The following SMYD3 variants were observed in gnomAD, a reference collection of about 807,000 sequenced individuals.
The protein encoded by SMYD3 is histone-lysine N-methyltransferase SMYD3.
In SMYD3, 36 loss-of-function variants were observed where a neutral mutation model predicts 57.7. The ratio of observed to expected loss-of-function variants is 0.62; its 90% confidence interval spans 0.48 to 0.82. SMYD3 has a LOEUF of 0.82. SMYD3 is among the 40% of genes least tolerant of loss of function. SMYD3 has a pLI of 0.00. For synonymous variants in SMYD3, 211 were observed against 195.0 expected (o/e 1.08, Z -0.68); for missense variants, 515 against 538.8 (o/e 0.96, Z 0.44).
At chr1:245,787,583 A>T (rs2047097935) in intron 10 of SMYD3, among the ~76,000 whole-genome samples, 1 of 152,048 alleles carries the variant, frequency 6.6e-6, no homozygotes, top group Non-Finnish European at 1.5e-5. Context: ...ACCCAGTCAA[A>T]ACTTCCAAGC....
intron 5 of SMYD3, among the ~76,000 whole-genome samples, chr1:246,084,343 G>A (rs916283464): frequency 1.3e-4 from 20 of 151,876 alleles, no homozygotes; most frequent in African/African-American, 4.6e-4. Flanking sequence ...AGCCTCCCAA[G>A]TAGCTGGGAC....
chr1:245,993,607 T>C lies in SMYD3; in HGVS notation c.532-63670A>G, dbSNP rs59604144. ...ATAGATAGATAGATAGATAGATAGA[T>C]AGATAGATAGATAGATAGATAGATA... On this transcript the variant is annotated intron_variant, in intron 5 of 11. Coordinates refer to ENST00000490107, the MANE Select transcript of SMYD3 (RefSeq NM_001167740.2). Among the ~76,000 whole-genome samples, 200 of 76,688 alleles carry C rather than the reference T, an allele frequency of 2.6e-3. 1 individual carries two copies. Among genetic ancestry groups the C allele is most frequent in the African/African-American group, 0.012 (161 of 13,428 alleles). The allele number at this position is 76,688 out of a possible 152,430, so 50.3% of individuals were successfully genotyped here.
chr1:245,848,907 C>A (rs1008502805), intron 10 of SMYD3, among the ~76,000 whole-genome samples: 1 of 152,038 alleles, frequency 6.6e-6, no homozygotes, highest in African/African-American at 2.4e-5. Context: ...AGTATATGAG[C>A]CAGAATGAAA....
intron 5 of SMYD3, among the ~76,000 whole-genome samples, chr1:246,169,381 C>CAAA (rs55719556): frequency 0.14 from 8,601 of 60,926 alleles, 1,052 homozygotes; most frequent in Admixed American, 0.2. Flanking sequence ...GACTTTCTTT[C>CAAA]AAAAAAAAAA....
At chr1:245,983,444 A>G (rs2058641236) in intron 5 of SMYD3, among the ~76,000 whole-genome samples, 2 of 152,244 alleles carry the variant, frequency 1.3e-5, no homozygotes, top group South Asian at 2.1e-4. Flanking sequence ...AACGCATTTG[A>G]TGAGATCAAA....
At chr1:246,434,187 A>G (rs2067336991) in intron 1 of SMYD3, among the ~76,000 whole-genome samples, 1 of 152,252 alleles carries the variant, frequency 6.6e-6, no homozygotes, top group African/African-American at 2.4e-5. Context: ...ATTCTTCTAA[A>G]GGATTGGTTT....
At chr1:246,481,621 T>TATATATATATATATACACAC (rs1307881494) in intron 1 of SMYD3, among the ~76,000 whole-genome samples, 34 of 98,532 alleles carry the variant, frequency 3.5e-4, no homozygotes, top group African/African-American at 7.5e-4. Context: ...CATACATATA[T>TATATATATATATATACACAC]ACATACATAC....
intron 5 of SMYD3, among the ~76,000 whole-genome samples, chr1:246,264,160 A>G (rs2064062752): frequency 6.6e-6 from 1 of 152,210 alleles, no homozygotes; most frequent in African/African-American, 2.4e-5. Context: ...ATTGTATACT[A>G]AGCAGTAACT....
chr1:245,767,090 C>T (rs1291577072), intron 10 of SMYD3, among the ~76,000 whole-genome samples: 1 of 152,170 alleles, frequency 6.6e-6, no homozygotes, highest in African/African-American at 2.4e-5. Flanking sequence ...GGGAGACATT[C>T]TTCAAAGGTG....
intron 5 of SMYD3, among the ~76,000 whole-genome samples, chr1:246,030,586 T>C (rs888522097): frequency 3.9e-5 from 6 of 152,218 alleles, no homozygotes; most frequent in African/African-American, 1.4e-4. Flanking sequence ...AAATAAATAT[T>C]TGAGGTGATG....
At chr1:246,270,612 T>C (rs957553629) in intron 5 of SMYD3, among the ~76,000 whole-genome samples, 10 of 152,226 alleles carry the variant, frequency 6.6e-5, no homozygotes, top group African/African-American at 1.9e-4. Flanking sequence ...CTTAGCATAA[T>C]GTCCTCAAGG....
At chr1:246,033,703 C>G (rs1003156020) in intron 5 of SMYD3, among the ~76,000 whole-genome samples, 2 of 152,158 alleles carry the variant, frequency 1.3e-5, no homozygotes, top group African/African-American at 2.4e-5. Flanking sequence ...ACGAGAATCG[C>G]TTGAACCCAG....
At chr1:246,423,803 A>G (rs1320512729) in intron 1 of SMYD3, among the ~76,000 whole-genome samples, 2 of 152,190 alleles carry the variant, frequency 1.3e-5, no homozygotes, top group Non-Finnish European at 2.9e-5. Flanking sequence ...AATGAGGTTG[A>G]AGTCTAAGTT....
intron 5 of SMYD3, among the ~76,000 whole-genome samples, chr1:246,279,580 C>A (rs2148567436): frequency 6.6e-6 from 1 of 152,194 alleles, no homozygotes; most frequent in Admixed American, 6.5e-5. Context: ...GCATGGGGTT[C>A]TACTCTACAG....
intron 5 of SMYD3, chr1:246,186,644 A>G: frequency 1.7e-6 from 1 of 577,884 alleles, no homozygotes; most frequent in Non-Finnish European, 2.2e-6. Flanking sequence ...ATTTCATATC[A>G]GCCCCAAAAC....
At chr1:245,984,880 T>G (rs1394966301) in intron 5 of SMYD3, among the ~76,000 whole-genome samples, 1 of 152,158 alleles carries the variant, frequency 6.6e-6, no homozygotes, top group Non-Finnish European at 1.5e-5. Flanking sequence ...CTTAAGAGAA[T>G]GTTCTCCATA....
intron 5 of SMYD3, among the ~76,000 whole-genome samples, chr1:246,256,342 CT>C (rs1314652636): frequency 6.6e-6 from 1 of 152,212 alleles, no homozygotes; most frequent in East Asian, 1.9e-4. Flanking sequence ...TGGCAACACC[CT>C]CACAGACACA....
At chr1:246,143,932 T>C (rs2061803163) in intron 5 of SMYD3, among the ~76,000 whole-genome samples, 1 of 152,236 alleles carries the variant, frequency 6.6e-6, no homozygotes, top group Non-Finnish European at 1.5e-5. Context: ...AGCCTTGTGC[T>C]TTCCAGCCAG....
At chr1:245,882,805 C>T (rs910545271) in intron 8 of SMYD3, among the ~76,000 whole-genome samples, 2 of 152,170 alleles carry the variant, frequency 1.3e-5, no homozygotes, top group Admixed American at 6.5e-5. Flanking sequence ...TGATATATCA[C>T]ATAGCAAAGC....
Sources: allele counts gnomAD v4.1 joint callset (sites outside exome capture counted in the v4.1 genomes callset), GRCh38; gene constraint gnomAD v4.1.1; transcripts MANE v1.5; gene names NCBI Gene and HGNC (gene_info 2026-07-23, HGNC 2026-07-21).